CTNNA2: variants seen among roughly 807,000 people sequenced by gnomAD.
The protein encoded by CTNNA2 is catenin alpha 2.
A neutral mutation model predicts 101.0 loss-of-function variants in CTNNA2; 42 were observed. The observed-to-expected ratio is 0.42, with a 90% CI of 0.32 to 0.54. CTNNA2 has a LOEUF of 0.54. CTNNA2 is among the 20% of genes least tolerant of loss of function. The probability of loss-of-function intolerance (pLI) is 0.14; values close to 1 mark genes in which losing one functional copy is unlikely to be tolerated. For synonymous variants in CTNNA2, 450 were observed against 456.4 expected, an observed-to-expected ratio of 0.99 and a Z score of 0.18; for missense variants, 871 against 1,223.1, an observed-to-expected ratio of 0.71 and a Z score of 4.29.
Position 80,043,120 on chromosome 2 carries a change from T to C in CTNNA2, c.1056+133323T>C, listed in dbSNP as rs573608563. On this transcript the variant is annotated intron_variant, in intron 7 of 18. Transcript: ENST00000402739. Reference sequence around the variant, plus strand: ...CTCTCTCTCTCTCTCTCTTTCTTTCTCCTTCCTTCCTTCCTTCCTTCCTTC... The same window carrying C: ...CTCTCTCTCTCTCTCTCTTTCTTTCCCCTTCCTTCCTTCCTTCCTTCCTTC... Among the ~76,000 whole-genome samples, 20 of 11,226 alleles carry C rather than the reference T, an allele frequency of 1.8e-3. 1 individual carries two copies. The highest frequency in any genetic ancestry group is 8.3e-3 in the East Asian group (4 of 482). 7.4% of individuals were successfully genotyped at this position (11,226 alleles called of 152,430 possible).
chr2:79,464,392 A>G (rs1177843454), intron 4 of CTNNA2, among the ~76,000 whole-genome samples: 1 of 152,202 alleles, frequency 6.6e-6, no homozygotes, highest in Non-Finnish European at 1.5e-5. Flanking sequence ...ATTGTTGGAC[A>G]TTTGGGTTGG....
intron 18 of CTNNA2, 35 bp downstream of exon 18, chr2:80,619,263 A>C (rs1699109427): frequency 6.8e-7 from 1 of 1,471,066 alleles, no homozygotes; most frequent in African/African-American, 1.4e-5. Context: ...AATGTCTTTC[A>C]TTGTAATCAT....
intron 1 of CTNNA2, among the ~76,000 whole-genome samples, chr2:79,598,932 T>C (rs1449004331): frequency 1.3e-5 from 2 of 152,212 alleles, no homozygotes; most frequent in African/African-American, 4.8e-5. Flanking sequence ...TTTTATAGTT[T>C]TGCATTTTAT....
At chr2:80,415,736 T>G (rs1679980359) in intron 8 of CTNNA2, among the ~76,000 whole-genome samples, 1 of 152,264 alleles carries the variant, frequency 6.6e-6, no homozygotes, top group Admixed American at 6.5e-5. Flanking sequence ...CCCCTATGTT[T>G]ATTGCAGCAT....
intron 1 of CTNNA2, among the ~76,000 whole-genome samples, chr2:79,626,849 G>A (rs937281315): frequency 1.3e-5 from 2 of 151,812 alleles, no homozygotes; most frequent in South Asian, 2.1e-4. Context: ...TCTGAGATGA[G>A]GGCAGGGAGA....
chr2:79,319,635 T>C (rs1676573507), intron 3 of CTNNA2: 1 of 152,100 alleles, frequency 6.6e-6, no homozygotes, highest in African/African-American at 2.4e-5. Context: ...TGAGAATTAG[T>C]TTTTTATGTT....
At chr2:80,101,009 T>C (rs1179987153) in intron 7 of CTNNA2, among the ~76,000 whole-genome samples, 3 of 152,232 alleles carry the variant, frequency 2.0e-5, no homozygotes, top group Non-Finnish European at 2.9e-5. Context: ...TCATTAAACT[T>C]ACTCTTCTGA....
intron 7 of CTNNA2, among the ~76,000 whole-genome samples, chr2:80,100,796 C>G (rs538575028): frequency 1.3e-5 from 2 of 152,230 alleles, no homozygotes; most frequent in African/African-American, 4.8e-5. Context: ...CTCTCATCAA[C>G]ATTGGTGGAA....
chr2:80,351,324 C>T (rs1449882863), intron 7 of CTNNA2, among the ~76,000 whole-genome samples: 1 of 152,032 alleles, frequency 6.6e-6, no homozygotes, highest in Non-Finnish European at 1.5e-5. Flanking sequence ...ATGTAATACT[C>T]GCCTATAGCC....
chr2:79,877,424 C>T (rs1268416849), intron 6 of CTNNA2, among the ~76,000 whole-genome samples: 2 of 152,198 alleles, frequency 1.3e-5, no homozygotes, highest in East Asian at 3.9e-4. Context: ...ATCAGCAAAC[C>T]TAGACAGTAG....
chr2:80,108,642 A>G (rs1244554658), intron 7 of CTNNA2, among the ~76,000 whole-genome samples: 3 of 152,230 alleles, frequency 2.0e-5, no homozygotes, highest in Non-Finnish European at 2.9e-5. Context: ...TGCACATTCT[A>G]GATAAAGTAG....
intron 14 of CTNNA2, among the ~76,000 whole-genome samples, chr2:80,584,451 G>T (rs1422413890): frequency 6.7e-6 from 1 of 149,514 alleles, no homozygotes; most frequent in Admixed American, 6.7e-5. Flanking sequence ...CGGTTTAGGA[G>T]GGGGGAATGA....
chr2:79,594,508 G>T (rs1017484341), intron 1 of CTNNA2, among the ~76,000 whole-genome samples: 1 of 152,104 alleles, frequency 6.6e-6, no homozygotes, highest in Admixed American at 6.5e-5. Context: ...TTAGAATAGC[G>T]CTTGGCACAT....
chr2:79,861,954 A>G (rs1681655426), intron 4 of CTNNA2, among the ~76,000 whole-genome samples: 1 of 152,212 alleles, frequency 6.6e-6, no homozygotes, highest in South Asian at 2.1e-4. Context: ...ATCAGTTCAC[A>G]TTGTCAGTGT....
intron 4 of CTNNA2, among the ~76,000 whole-genome samples, chr2:79,430,880 G>A (rs1047720308): frequency 1.4e-5 from 1 of 70,748 alleles, no homozygotes; most frequent in Non-Finnish European, 3.2e-5. Flanking sequence ...ATTATATTGT[G>A]TACACTATTT....
At chr2:80,490,330 C>A (rs1686965313) in intron 9 of CTNNA2, among the ~76,000 whole-genome samples, 1 of 121,080 alleles carries the variant, frequency 8.3e-6, no homozygotes, top group Admixed American at 1.1e-4. Context: ...GATTTGTGGC[C>A]CATACAGTTT....
At chr2:79,519,959 T>G in intron 1 of CTNNA2, among the ~76,000 whole-genome samples, 1 of 152,230 alleles carries the variant, frequency 6.6e-6, no homozygotes, top group African/African-American at 2.4e-5. Context: ...TGAAGTAATG[T>G]TTATTTAAGA....
chr2:80,475,631 C>G (rs1383138906), intron 9 of CTNNA2, among the ~76,000 whole-genome samples: 2 of 152,032 alleles, frequency 1.3e-5, no homozygotes, highest in East Asian at 3.9e-4. Flanking sequence ...GGACTTATTT[C>G]AGGGTCTACT....
chr2:80,274,051 TA>T (rs1206375098), intron 7 of CTNNA2, among the ~76,000 whole-genome samples: 1 of 152,202 alleles, frequency 6.6e-6, no homozygotes, highest in East Asian at 1.9e-4. Context: ...CAACAGTTTT[TA>T]AACAAATTGC....
Sources: allele counts gnomAD v4.1 joint callset (sites outside exome capture counted in the v4.1 genomes callset), GRCh38; gene constraint gnomAD v4.1.1; transcripts MANE v1.5; gene names NCBI Gene and HGNC (gene_info 2026-07-23, HGNC 2026-07-21).